The following L3MBTL3 variants were observed in gnomAD, a reference collection of about 807,000 sequenced individuals.
L3MBTL3 encodes L3MBTL histone methyl-lysine binding protein 3, also known as lethal(3)malignant brain tumor-like protein 3.
In L3MBTL3, 27 loss-of-function variants were observed where a neutral mutation model predicts 102.3. The ratio of observed to expected loss-of-function variants is 0.26; its 90% CI spans 0.19 to 0.36. The LOEUF (loss-of-function observed/expected upper bound fraction) is 0.36. Ranked by LOEUF, L3MBTL3 falls within the 10% of genes least tolerant of loss-of-function variation. The pLI is 1.00. For synonymous variants in L3MBTL3, 340 were observed against 320.9 expected (o/e 1.06, Z -0.64); for missense variants, 798 against 955.3 (o/e 0.84, Z 2.17).
intron 22 of L3MBTL3, among the ~76,000 whole-genome samples, chr6:130,135,941 T>G (rs1269128711): frequency 6.6e-6 from 1 of 152,240 alleles, no homozygotes. Flanking sequence ...CGAAGTCTTA[T>G]AAATCATCTT....
intron 19 of L3MBTL3, among the ~76,000 whole-genome samples, chr6:130,107,623 A>G (rs1355291428): frequency 6.6e-6 from 1 of 152,228 alleles, no homozygotes; most frequent in Admixed American, 6.5e-5. Context: ...GGTGTCCCAT[A>G]CATTATACAA....
intron 18 of L3MBTL3, among the ~76,000 whole-genome samples, chr6:130,097,377 CAAAG>C (rs1403483260): frequency 3.3e-5 from 5 of 152,096 alleles, no homozygotes; most frequent in African/African-American, 7.2e-5. Context: ...GCATAGATAA[CAAAG>C]AAAGTTGCTA....
At chr6:130,086,056 T>G (rs1783664495) in intron 15 of L3MBTL3, 84 bp from the exon 16 acceptor site, 3 of 991,784 alleles carry the variant, frequency 3.0e-6, no homozygotes, top group African/African-American at 3.3e-5. Context: ...CCTGGCCAGC[T>G]TTTTCTTCTT....
Position 130,047,296 on chromosome 6 carries a change from A to G in L3MBTL3, c.103-1986A>G, listed in dbSNP as rs978022370. ...CATTGCATCTTTACTTTGTACTTAG[A>G]CTGTAGGTCAGTTACTGGCAATACA... On this transcript the variant is annotated intron_variant, in intron 3 of 22. Coordinates refer to ENST00000361794, the MANE Select transcript of L3MBTL3 (RefSeq NM_032438.4). Among the ~76,000 whole-genome samples, 5 of 152,244 alleles carry G rather than the reference A, an allele frequency of 3.3e-5. No individual in the cohort carries two copies. The South Asian group carries it at 1.0e-3, about 32-fold the overall frequency.
At chr6:130,099,265 G>A (rs1488399428) in intron 18 of L3MBTL3, among the ~76,000 whole-genome samples, 1 of 152,078 alleles carries the variant, frequency 6.6e-6, no homozygotes, top group Non-Finnish European at 1.5e-5. Context: ...GCTTGCTGAG[G>A]AGTTGCATAA....
intron 1 of L3MBTL3, among the ~76,000 whole-genome samples, chr6:130,021,086 C>T (rs1204217765): frequency 6.6e-6 from 1 of 151,988 alleles, no homozygotes; most frequent in African/African-American, 2.4e-5. Flanking sequence ...CCGAGAGGCT[C>T]TATGCTGGCT....
intron 20 of L3MBTL3, among the ~76,000 whole-genome samples, chr6:130,124,459 G>A (rs960668258): frequency 3.3e-5 from 5 of 152,150 alleles, no homozygotes; most frequent in Non-Finnish European, 7.4e-5. Context: ...TACTCTCTTG[G>A]TTTTGAAAAT....
rs1781190946 is a variant in L3MBTL3 at position 130,052,852 on chromosome 6, A to C, written c.450-7A>C. 1.9e-6 allele frequency: 3 copies of C among 1,612,240 alleles called. No individual in the cohort carries two copies. Among genetic ancestry groups the C allele is most frequent in the Non-Finnish European group, 2.5e-6 (3 of 1,178,820 alleles). ...TTGTCACTATTTTGGGTTTATAAAC[A>C]CAACAGAGATCAGAAGGAAGAAAGG... On this transcript the variant is annotated splice_polypyrimidine_tract_variant and splice_region_variant and intron_variant, in intron 6 of 22. Transcript: ENST00000361794.
At chr6:130,132,845 T>A (rs1469756536) in intron 20 of L3MBTL3, among the ~76,000 whole-genome samples, 2 of 152,214 alleles carry the variant, frequency 1.3e-5, no homozygotes, top group Non-Finnish European at 2.9e-5. Context: ...AGTTTTAATT[T>A]TGATCTGAAC....
chr6:130,122,390 A>G (rs1562332238), intron 20 of L3MBTL3, among the ~76,000 whole-genome samples: 2 of 152,222 alleles, frequency 1.3e-5, no homozygotes, highest in Non-Finnish European at 2.9e-5. Flanking sequence ...CAAAGCCTAT[A>G]AATGGTCAGA....
chr6:130,052,778 G>T, intron 6 of L3MBTL3, 81 bp from the exon 7 acceptor site: 4 of 1,467,556 alleles, frequency 2.7e-6, no homozygotes, highest in Admixed American at 2.4e-5. Flanking sequence ...TTTTTTTAAT[G>T]ATTGTTGCAT....
rs1787260969 is a variant in L3MBTL3 at position 130,133,348 on chromosome 6, T to C, written c.1967-104T>C. 1 of 1,101,542 alleles carries C rather than the reference T, an allele frequency of 9.1e-7. No homozygotes were observed. 68.2% of individuals were successfully genotyped at this position (1,101,542 alleles called of 1,614,324 possible). The stretch of plus-strand genomic sequence containing the variant: ...GTATAATGCTGAAAGGAACCAATGC[T>C]TTAACCACTCCCACCTCCAGTCTCG... On this transcript the variant is annotated intron_variant, in intron 20 of 22. Coordinates refer to ENST00000361794, the MANE Select transcript of L3MBTL3 (RefSeq NM_032438.4). This position sits in a 1 kb window ranked among gnomAD's most constrained non-coding sequence, Gnocchi z 4.9.
intron 2 of L3MBTL3, among the ~76,000 whole-genome samples, chr6:130,028,222 T>G (rs1779479243): frequency 6.6e-6 from 1 of 152,154 alleles, no homozygotes; most frequent in Non-Finnish European, 1.5e-5. Flanking sequence ...AAGGTTACCT[T>G]TGGTGACTAC....
At chr6:130,019,360 C>T (rs907702224) in intron 1 of L3MBTL3, 2 of 146,830 alleles carry the variant, frequency 1.4e-5, no homozygotes, top group Non-Finnish European at 3.0e-5. Flanking sequence ...GCGGGAGGCG[C>T]GAGCCCCGCG....
At chr6:130,053,574 G>A (rs1426295518) in intron 7 of L3MBTL3, among the ~76,000 whole-genome samples, 1 of 150,638 alleles carries the variant, frequency 6.6e-6, no homozygotes, top group East Asian at 2.0e-4. Context: ...GGTGGAGCTT[G>A]CAATGAGCTG....
intron 19 of L3MBTL3, among the ~76,000 whole-genome samples, chr6:130,108,231 GTTTTTTTT>G (rs869221525): frequency 1.1e-5 from 1 of 91,054 alleles, no homozygotes; most frequent in African/African-American, 3.9e-5. Flanking sequence ...TTTTTTTTTT[GTTTTTTTT>G]TTTTTTTTTT....
intron 10 of L3MBTL3, among the ~76,000 whole-genome samples, chr6:130,063,303 A>G (rs1046688567): frequency 8.5e-5 from 13 of 152,100 alleles, no homozygotes; most frequent in African/African-American, 2.9e-4. Flanking sequence ...GAGAGTGAGG[A>G]TGGAGAAAGT....
intron 2 of L3MBTL3, among the ~76,000 whole-genome samples, chr6:130,042,414 A>G (rs1053138893): frequency 1.2e-4 from 19 of 152,050 alleles, no homozygotes; most frequent in African/African-American, 4.3e-4. Flanking sequence ...CCTTGAATAA[A>G]TGAATTTCTT....
At chr6:130,076,591 G>C (rs1490762370) in intron 13 of L3MBTL3, among the ~76,000 whole-genome samples, 1 of 152,106 alleles carries the variant, frequency 6.6e-6, no homozygotes, top group African/African-American at 2.4e-5. Context: ...TGAAATGGAG[G>C]CTTCTTTCAT....
Sources: allele counts gnomAD v4.1 joint callset (sites outside exome capture counted in the v4.1 genomes callset), GRCh38; gene constraint gnomAD v4.1.1; non-coding constraint Gnocchi (gnomAD v3.1); transcripts MANE v1.5; gene names NCBI Gene and HGNC (gene_info 2026-07-23, HGNC 2026-07-21).